Variants in CXCL13 observed in about 807,000 individuals in gnomAD.
CXCL13 encodes C-X-C motif chemokine ligand 13.
A neutral mutation model predicts 12.2 loss-of-function variants in CXCL13; 7 were observed. That is an observed-to-expected ratio of 0.57 (90% CI 0.33 to 1.07). The LOEUF (loss-of-function observed/expected upper bound fraction) is 1.07. Among genes scored for constraint, CXCL13 ranks in the 50% least tolerant of loss-of-function variants. The probability of loss-of-function intolerance (pLI) is 0.04; values close to 1 mark genes in which losing one functional copy is unlikely to be tolerated. For synonymous variants in CXCL13, 47 were observed against 42.4 expected, an observed-to-expected ratio of 1.11 and a Z score of -0.42; for missense variants, 113 against 127.4, an observed-to-expected ratio of 0.89 and a Z score of 0.55.
At chr4:77,597,283 AT>A (rs1288480389) in intron 1 of CXCL13, among the ~76,000 whole-genome samples, 4 of 152,038 alleles carry the variant, frequency 2.6e-5, no homozygotes, top group Non-Finnish European at 4.4e-5. Flanking sequence ...TGTAAATCAT[AT>A]TTTTTTTAAT....
intron 1 of CXCL13, among the ~76,000 whole-genome samples, chr4:77,515,023 A>G (rs1424400240): frequency 3.3e-5 from 5 of 152,050 alleles, no homozygotes; most frequent in East Asian, 3.9e-4. Context: ...CTTTCTACAT[A>G]TGGCTAGCCA....
At chr4:77,546,125 T>A (rs1214258447) in intron 1 of CXCL13, among the ~76,000 whole-genome samples, 2 of 152,210 alleles carry the variant, frequency 1.3e-5, no homozygotes, top group African/African-American at 2.4e-5. Context: ...ATAGGCTTTT[T>A]GATGTGCTGC....
In CXCL13 at chr4:77,611,255, T is replaced by C; in HGVS notation, c.*216T>C. 2.3e-6 allele frequency: 1 copy of C among 431,914 alleles called. No homozygotes were observed. Among genetic ancestry groups the C allele is most frequent in the Non-Finnish European group, 4.1e-6 (1 of 244,194 alleles). 26.8% of individuals were successfully genotyped at this position (431,914 alleles called of 1,614,324 possible). ...CACTTGGAGTTTGCATTCTTATTCA[T>C]CAGGGAGGAAAGTTTCTTTGAAAAT... On this transcript the variant is annotated 3_prime_UTR_variant, in exon 4 of 4. Coordinates refer to ENST00000682537, the MANE Select transcript of CXCL13 (RefSeq NM_001371558.1).
At chr4:77,518,928 T>C (rs1277707505) in intron 1 of CXCL13, among the ~76,000 whole-genome samples, 1 of 152,220 alleles carries the variant, frequency 6.6e-6, no homozygotes, top group Non-Finnish European at 1.5e-5. Flanking sequence ...TGGTTTTATC[T>C]AGTTTTGGAC....
upstream of CXCL13, among the ~76,000 whole-genome samples, chr4:77,604,345 C>T (rs183212404): frequency 6.6e-6 from 1 of 152,302 alleles, no homozygotes; most frequent in Admixed American, 6.5e-5. Flanking sequence ...AGCCTCCTTC[C>T]TCCTTCTGTC....
intron 1 of CXCL13, among the ~76,000 whole-genome samples, chr4:77,537,059 G>C (rs183178817): frequency 2.2e-4 from 34 of 152,156 alleles, no homozygotes; most frequent in Non-Finnish European, 4.0e-4. Flanking sequence ...AATACTATTA[G>C]TAGCAATGAC....
chr4:77,573,362 T>TTGTGTGTGTGTGTG (rs3048191), intron 1 of CXCL13, among the ~76,000 whole-genome samples: 1 of 134,910 alleles, frequency 7.4e-6, no homozygotes, highest in African/African-American at 2.8e-5. Flanking sequence ...ATTGGGTCTT[T>TTGTGTGTGTGTGTG]TGTGTGTGTG....
At chr4:77,567,859 C>A (rs1047525330) in intron 1 of CXCL13, among the ~76,000 whole-genome samples, 2 of 152,222 alleles carry the variant, frequency 1.3e-5, no homozygotes, top group African/African-American at 4.8e-5. Flanking sequence ...AAATCCACCC[C>A]TTGTTTAGCA....
chr4:77,576,853 A>C (rs1412233398), intron 1 of CXCL13, among the ~76,000 whole-genome samples: 1 of 152,206 alleles, frequency 6.6e-6, no homozygotes, highest in Non-Finnish European at 1.5e-5. Flanking sequence ...ACTCCGTCCT[A>C]TCATGATTTG....
intron 1 of CXCL13, among the ~76,000 whole-genome samples, chr4:77,522,643 T>C (rs562105992): frequency 9.6e-4 from 144 of 149,284 alleles, no homozygotes; most frequent in Admixed American, 3.9e-3. Flanking sequence ...AGCACACTAA[T>C]GGGTCTTGTT....
chr4:77,581,892 C>T (rs1193842432), intron 1 of CXCL13, among the ~76,000 whole-genome samples: 1 of 152,130 alleles, frequency 6.6e-6, no homozygotes, highest in Non-Finnish European at 1.5e-5. Context: ...CATTTCTTTG[C>T]CTCCTACTCG....
At chr4:77,577,050 A>G (rs1726212437) in intron 1 of CXCL13, among the ~76,000 whole-genome samples, 1 of 152,208 alleles carries the variant, frequency 6.6e-6, no homozygotes, top group South Asian at 2.1e-4. Context: ...AAGCATAGAT[A>G]GCTTTTATGG....
intron 1 of CXCL13, among the ~76,000 whole-genome samples, chr4:77,539,876 C>A (rs1357432640): frequency 6.6e-6 from 1 of 152,064 alleles, no homozygotes; most frequent in Non-Finnish European, 1.5e-5. Flanking sequence ...GGGGGGGAAT[C>A]CCTATCCTGC....
chr4:77,580,711 C>T (rs373602287), intron 1 of CXCL13, among the ~76,000 whole-genome samples: 1 of 123,602 alleles, frequency 8.1e-6, no homozygotes, highest in Non-Finnish European at 1.7e-5. Context: ...ACACCCTCTC[C>T]TCCCCTCCCC....
At chr4:77,588,462 T>C (rs1396284918) in intron 1 of CXCL13, among the ~76,000 whole-genome samples, 2 of 152,238 alleles carry the variant, frequency 1.3e-5, no homozygotes, top group Non-Finnish European at 2.9e-5. Flanking sequence ...GCTGCCTTCA[T>C]ATCTGTGTCA....
intron 1 of CXCL13, among the ~76,000 whole-genome samples, chr4:77,586,458 TCTTGC>T (rs1726462162): frequency 6.6e-6 from 1 of 152,212 alleles, no homozygotes; most frequent in African/African-American, 2.4e-5. Flanking sequence ...ACTGCATATC[TCTTGC>T]CAGGTCAGCT....
intron 1 of CXCL13, among the ~76,000 whole-genome samples, chr4:77,573,967 C>G (rs1578060568): frequency 6.6e-6 from 1 of 151,990 alleles, no homozygotes; most frequent in South Asian, 2.1e-4. Context: ...TAAGTCATAA[C>G]CTTAAGGCTT....
At chr4:77,566,921 C>T (rs566667292) in intron 1 of CXCL13, among the ~76,000 whole-genome samples, 2 of 152,142 alleles carry the variant, frequency 1.3e-5, no homozygotes, top group African/African-American at 4.8e-5. Context: ...CCATCATATC[C>T]CCTGTGACCT....
At chr4:77,570,679 A>T (rs1726050610) in intron 1 of CXCL13, among the ~76,000 whole-genome samples, 1 of 151,986 alleles carries the variant, frequency 6.6e-6, no homozygotes, top group African/African-American at 2.4e-5. Context: ...AGGCGCGAGC[A>T]GGAACTGGGG....
Sources: allele counts gnomAD v4.1 joint callset (sites outside exome capture counted in the v4.1 genomes callset), GRCh38; gene constraint gnomAD v4.1.1; transcripts MANE v1.5; gene names NCBI Gene and HGNC (gene_info 2026-07-23, HGNC 2026-07-21).